DNAH5: variants seen among roughly 807,000 people sequenced by gnomAD.
DNAH5 encodes the protein axonemal beta dynein heavy chain 5.
In DNAH5, 372 loss-of-function variants were observed where a neutral mutation model predicts 518.2. The observed-to-expected ratio is 0.72, with a 90% confidence interval of 0.66 to 0.78. The LOEUF is 0.78. Ranked by LOEUF, DNAH5 falls within the 30% of genes least tolerant of loss-of-function variation. DNAH5 has a pLI of 0.00. For missense variants in DNAH5, 5,523 were observed against 5,687.0 expected, an observed-to-expected ratio of 0.97 and a Z score of 0.93; for synonymous variants, 2,039 against 2,025.9, an observed-to-expected ratio of 1.01 and a Z score of -0.17.
upstream of DNAH5, among the ~76,000 whole-genome samples, chr5:13,948,799 A>G (rs533818665): frequency 8.5e-3 from 1,300 of 152,254 alleles, 18 homozygotes; most frequent in African/African-American, 0.03. Context: ...TGAAGTAGAG[A>G]GAGACTGAAG....
intron 1 of DNAH5, among the ~76,000 whole-genome samples, chr5:13,963,573 A>G (rs1781333671): frequency 7.2e-6 from 1 of 138,000 alleles, no homozygotes. Context: ...GCGAGACTCT[A>G]TCTCAAAATA....
Position 13,793,686 on chromosome 5 carries a change from A to C in DNAH5, c.8053T>G (p.Phe2685Val). 1 of 1,614,134 alleles carries C rather than the reference A, an allele frequency of 6.2e-7. No individual in the cohort carries two copies. Among genetic ancestry groups the C allele is most frequent in the Non-Finnish European group, 8.5e-7 (1 of 1,180,024 alleles). Residue 2685 changes from phenylalanine (F) to valine (V), a missense_variant, in exon 49 of 79, where the codon TTC (phenylalanine) becomes GTC (valine). Phe to Val is a conservative substitution (Grantham distance 50). This residue lies in a region of DNAH5 where 5,121 missense variants were observed against 5,223.3 expected (regional missense o/e 0.98). Coordinates refer to ENST00000265104, the MANE Select transcript of DNAH5 (RefSeq NM_001369.3). ...IVRQLMEQNG[F>V]YNLEKPGEFT... ...TCCCCAGGCTTCTCTAGATTATAGA[A>C]TCCATTTTGTTCCATCAGCTGTCGC...
At chr5:13,772,822 CACAA>C (rs1753528413) in intron 55 of DNAH5, among the ~76,000 whole-genome samples, 1 of 152,106 alleles carries the variant, frequency 6.6e-6, no homozygotes, top group Non-Finnish European at 1.5e-5. Flanking sequence ...GAAATGCTAA[CACAA>C]ACGAATGATA....
In DNAH5 at chr5:13,902,810, A is replaced by G. The variant is rs1296446261; in HGVS notation, c.1645-672T>C. Among the ~76,000 whole-genome samples the G allele has an allele frequency of 2.0e-5, 3 of 152,220 alleles. No individual in the cohort carries two copies. The East Asian group carries it at 5.8e-4, about 29-fold the overall frequency. On this transcript the variant is annotated intron_variant, in intron 12 of 78. Transcript: ENST00000265104. ...AAATGAAAGGGATATAACCCAAGAC[A>G]TTAACATAAAAGCTAGTCTGGGAAA...
chr5:13,774,751 A>G (rs1384175330), intron 55 of DNAH5, among the ~76,000 whole-genome samples: 1 of 152,194 alleles, frequency 6.6e-6, no homozygotes, highest in Admixed American at 6.5e-5. Flanking sequence ...GTGTGATAAG[A>G]TTTAAAAGAA....
In DNAH5 at chr5:13,864,610, C is replaced by T; in HGVS notation, c.4383G>A (p.Lys1461=). 3 of 1,614,122 alleles carry T rather than the reference C, an allele frequency of 1.9e-6. No individual in the cohort carries two copies. The highest frequency in any genetic ancestry group is 1.1e-5 in the South Asian group (1 of 91,082). ...NRCRKLPRAL[K]DWQAFLDLKK... Reference sequence around the variant, plus strand: ...TCAGGTCCAAAAAAGCCTGCCAGTCCTTCAAGGCCCGGGGAAGCTTTCGAC... The same window carrying T: ...TCAGGTCCAAAAAAGCCTGCCAGTCTTTCAAGGCCCGGGGAAGCTTTCGAC... The change falls in exon 28 of 79, where the codon AAG becomes AAA. Residue 1461 remains lysine, a synonymous_variant. Transcript: ENST00000265104.
intron 30 of DNAH5, 146 bp downstream of exon 30, chr5:13,859,306 A>G: frequency 3.6e-6 from 3 of 841,534 alleles, no homozygotes; most frequent in Non-Finnish European, 3.8e-6. Flanking sequence ...CTCCCTTTGA[A>G]GAATAACAGC....
At chr5:13,713,362 C>CAT (rs1203423003) in intron 75 of DNAH5, among the ~76,000 whole-genome samples, 12 of 135,108 alleles carry the variant, frequency 8.9e-5, no homozygotes, top group East Asian at 6.3e-4. Context: ...TATATACTGA[C>CAT]ATATATATAT....
At chr5:13,900,048 C>G (rs530729464) in intron 15 of DNAH5, 158 bp downstream of exon 15, 1 of 680,322 alleles carries the variant, frequency 1.5e-6, no homozygotes, top group Non-Finnish European at 2.5e-6. Context: ...CGGCCTGGCC[C>G]CAGCCAACTC....
At chr5:13,714,308 A>T in intron 75 of DNAH5, 97 bp downstream of exon 75, 2 of 1,306,042 alleles carry the variant, frequency 1.5e-6, no homozygotes, top group Non-Finnish European at 2.2e-6. Flanking sequence ...TTTTAATTTC[A>T]GGAAAATCAT....
intron 70 of DNAH5, among the ~76,000 whole-genome samples, chr5:13,723,667 C>A (rs1745349678): frequency 6.6e-6 from 1 of 152,162 alleles, no homozygotes; most frequent in African/African-American, 2.4e-5. Context: ...GGCTATGTTC[C>A]AATAAATTGT....
Position 13,701,289 on chromosome 5 carries a change from G to A in DNAH5, c.13486C>T (p.Arg4496Ter), listed in dbSNP as rs200901816. ...GTGCAAATCAGAGCTCTTACCTGTCGCATTGCAGTTAAAAATCCCTGGGGG... is the reference window on the plus strand; with the variant it reads ...GTGCAAATCAGAGCTCTTACCTGTCACATTGCAGTTAAAAATCCCTGGGGG... ...FNPQGFLTAM[R>*]QEITRANKGW... Residue 4496 changes from arginine to a stop codon, truncating the protein, a stop_gained, in exon 77 of 79, where the codon CGA becomes TGA. Transcript: ENST00000265104. LOFTEE classifies it high-confidence loss of function. 5.0e-5 allele frequency: 81 copies of A among 1,613,838 alleles called. No individual in the cohort carries two copies. The highest frequency in any genetic ancestry group is 6.0e-5 in the Non-Finnish European group (71 of 1,179,936).
chr5:13,714,204 TTATGGTTTATA>T (rs937090489), intron 75 of DNAH5, among the ~76,000 whole-genome samples, 190 bp downstream of exon 75: 1 of 152,230 alleles, frequency 6.6e-6, no homozygotes, highest in Admixed American at 6.5e-5. Context: ...ACAGGTTTCC[TTATGGTTTATA>T]TATTGAAAAG....
intron 65 of DNAH5, among the ~76,000 whole-genome samples, chr5:13,743,195 G>C (rs1748848250): frequency 6.6e-6 from 1 of 152,006 alleles, no homozygotes; most frequent in Non-Finnish European, 1.5e-5. Flanking sequence ...TTGATAGATA[G>C]GTAGGTAGAT....
intron 53 of DNAH5, among the ~76,000 whole-genome samples, 159 bp downstream of exon 53, chr5:13,780,669 CT>C (rs1192334226): frequency 1.3e-5 from 2 of 152,114 alleles, no homozygotes; most frequent in African/African-American, 4.8e-5. Flanking sequence ...TGTTTATGAT[CT>C]ATGACAAAGG....
chr5:13,776,827 T>C (rs1017992956), intron 54 of DNAH5, 121 bp from the exon 55 acceptor site: 66 of 1,119,184 alleles, frequency 5.9e-5, no homozygotes, highest in Non-Finnish European at 7.7e-5. Context: ...CTACAGAAAA[T>C]TGAAAGTTTT....
At chr5:13,930,969 T>G in intron 2 of DNAH5, 141 bp downstream of exon 2, 1 of 1,238,352 alleles carries the variant, frequency 8.1e-7, no homozygotes, top group Non-Finnish European at 1.2e-6. Context: ...CAAGCACCAG[T>G]ACAGAGTCAG....
intron 22 of DNAH5, among the ~76,000 whole-genome samples, chr5:13,873,658 CTATT>C (rs138376613): frequency 2.0e-5 from 3 of 151,258 alleles, no homozygotes; most frequent in African/African-American, 2.4e-5. Flanking sequence ...TATTTAATTA[CTATT>C]TATTTATTTA....
rs779372481 is a variant in DNAH5 at position 13,820,512 on chromosome 5, G to C, written c.6688-13C>G. 4 of 1,613,600 alleles carry C rather than the reference G, an allele frequency of 2.5e-6. No individual in the cohort carries two copies. In the South Asian group the frequency reaches 4.4e-5, roughly 18 times the overall value. On this transcript the variant is annotated splice_polypyrimidine_tract_variant and intron_variant, in intron 40 of 78. Transcript: ENST00000265104. The stretch of plus-strand genomic sequence containing the variant: ...CAGCTTCTTCAACCTGAAAACATAA[G>C]AGAATCCCCACATTGAAACACAACA...
Sources: gnomAD v4.1 joint callset for allele counts (sites outside exome capture counted in the v4.1 genomes callset) on GRCh38, gnomAD v4.1.1 for gene constraint, gnomAD v4.1.1 regional missense constraint, MANE v1.5 for transcripts, NCBI Gene and HGNC (gene_info 2026-07-23, HGNC 2026-07-21) for gene names.